The following INSC variants were observed in gnomAD, a reference collection of about 807,000 sequenced individuals.
The protein encoded by INSC is protein inscuteable homolog.
In INSC, 67 loss-of-function variants were observed where a neutral mutation model predicts 58.6. That is an observed-to-expected ratio of 1.14 (90% CI 0.94 to 1.40). INSC has a LOEUF of 1.40. Ranked by LOEUF, INSC falls within the 40% of genes most tolerant of loss-of-function variation. The pLI, the probability that INSC is intolerant of heterozygous loss-of-function variation, is 0.00. For missense variants in INSC, 714 were observed against 692.0 expected, an observed-to-expected ratio of 1.03 and a Z score of -0.36; for synonymous variants, 262 against 276.1, an observed-to-expected ratio of 0.95 and a Z score of 0.51.
intron 6 of INSC, among the ~76,000 whole-genome samples, chr11:15,191,966 C>T (rs538474617): frequency 1.3e-5 from 2 of 152,210 alleles, no homozygotes; most frequent in South Asian, 4.1e-4. Flanking sequence ...CTAAGCTTTC[C>T]TATTCCTCCC....
intron 7 of INSC, among the ~76,000 whole-genome samples, chr11:15,204,078 G>A (rs771918544): frequency 3.3e-5 from 5 of 152,156 alleles, no homozygotes; most frequent in Non-Finnish European, 5.9e-5. Flanking sequence ...TGCCGAGCCC[G>A]GTTCTAGCAG....
chr11:15,175,797 T>A lies in INSC; in HGVS notation c.113T>A (p.Met38Lys), dbSNP rs753415311. 1.2e-6 allele frequency: 2 copies of A among 1,603,032 alleles called. No individual in the cohort carries two copies. Among genetic ancestry groups the A allele is most frequent in the South Asian group, 2.2e-5 (2 of 90,338 alleles). ...VQRWMEDLKLMTECECMCVLQ... is the reference protein window; with the variant it reads ...VQRWMEDLKLKTECECMCVLQ... ...CGCTGGATGGAAGATCTGAAGCTCA[T>A]GACCGAGTGCGAGTGCATGTGTGTC... Residue 38 changes from methionine (M) to lysine (K), a missense_variant, in exon 3 of 13, where the codon ATG becomes AAG. By Grantham distance (95) the Met-to-Lys change is moderately conservative. Coordinates refer to ENST00000379556, the MANE Select transcript of INSC (RefSeq NM_001042536.3).
At chr11:15,190,978 AT>A (rs5789865) in intron 6 of INSC, among the ~76,000 whole-genome samples, 164 bp downstream of exon 6, 3,281 of 128,648 alleles carry the variant, frequency 0.026, 58 homozygotes, top group African/African-American at 0.07. Context: ...TGGTGTGTGC[AT>A]TTTTTTTTTT....
intron 2 of INSC, among the ~76,000 whole-genome samples, chr11:15,169,557 T>G (rs1252581132): frequency 1.2e-4 from 17 of 142,672 alleles, no homozygotes; most frequent in African/African-American, 3.4e-4. Context: ...TTGTTTGTTT[T>G]TTTAGATGGA....
At chr11:15,242,498 G>C (rs1852394345) in intron 12 of INSC, among the ~76,000 whole-genome samples, 1 of 152,036 alleles carries the variant, frequency 6.6e-6, no homozygotes, top group Non-Finnish European at 1.5e-5. Flanking sequence ...CCTTTCTGTG[G>C]TTCCTCATTA....
chr11:15,256,743 C>T, the INSC span, among the ~76,000 whole-genome samples: 1 of 152,102 alleles, frequency 6.6e-6, no homozygotes, highest in Non-Finnish European at 1.5e-5. Flanking sequence ...CCACTTCGGC[C>T]TCTCAAAGTG....
chr11:15,120,641 A>G (rs1171879181), intron 1 of INSC, among the ~76,000 whole-genome samples: 1 of 152,152 alleles, frequency 6.6e-6, no homozygotes, highest in Non-Finnish European at 1.5e-5. Context: ...AGTGTTGGGG[A>G]TGAGATGGAA....
intron 5 of INSC, among the ~76,000 whole-genome samples, chr11:15,180,704 T>TGGGGGGGGGGGGGGGGGGGGGGGG (rs1849748274): frequency 1.7e-5 from 1 of 57,180 alleles, no homozygotes; most frequent in Non-Finnish European, 3.4e-5. Flanking sequence ...CGGGGGGGGG[T>TGGGGGGGGGGGGGGGGGGGGGGGG]GGTGGCCACA....
At chr11:15,132,898 C>T (rs1054987265) in intron 1 of INSC, among the ~76,000 whole-genome samples, 1 of 152,126 alleles carries the variant, frequency 6.6e-6, no homozygotes. Context: ...AATCTAGTTT[C>T]CTTTTTCCTT....
At chr11:15,241,425 A>G (rs1798743610) in intron 12 of INSC, 3 of 529,076 alleles carry the variant, frequency 5.7e-6, no homozygotes, top group Non-Finnish European at 1.0e-5. Context: ...CCGTTGTAGA[A>G]ACAGTGGGGC....
chr11:15,128,428 G>A (rs549751266), intron 1 of INSC, among the ~76,000 whole-genome samples: 1 of 152,288 alleles, frequency 6.6e-6, no homozygotes, highest in South Asian at 2.1e-4. Context: ...TACAACAAAT[G>A]TGCCAGGTAA....
chr11:15,238,245 T>C (rs750908936), intron 10 of INSC, among the ~76,000 whole-genome samples: 2 of 152,174 alleles, frequency 1.3e-5, no homozygotes, highest in Non-Finnish European at 2.9e-5. Flanking sequence ...AGGAGGCTTC[T>C]CAGCAGAGAT....
chr11:15,151,566 T>A lies in INSC; in HGVS notation c.56+2336T>A, dbSNP rs556999944. Among the ~76,000 whole-genome samples, 335 of 152,106 alleles carry A rather than the reference T, an allele frequency of 2.2e-3. 3 individuals carry two copies. The highest frequency in any genetic ancestry group is 7.5e-3 in the African/African-American group (310 of 41,476). On this transcript the variant is annotated intron_variant, in intron 2 of 12. Coordinates refer to ENST00000379556, the MANE Select transcript of INSC (RefSeq NM_001042536.3). ...TGGCTGCTATGTCCCTGGCTGGTCT[T>A]CATTTGCTCCTCTGGCCTCCTATCT...
At chr11:15,126,369 C>A (rs1847995424) in intron 1 of INSC, among the ~76,000 whole-genome samples, 1 of 152,122 alleles carries the variant, frequency 6.6e-6, no homozygotes, top group South Asian at 2.1e-4. Flanking sequence ...CTGGGACAAA[C>A]CCTATAACTC....
intron 6 of INSC, among the ~76,000 whole-genome samples, chr11:15,200,314 T>C (rs180805791): frequency 2.4e-4 from 36 of 152,186 alleles, no homozygotes; most frequent in African/African-American, 8.4e-4. Context: ...AATGAAACAT[T>C]TTTTTTGCCT....
intron 1 of INSC, among the ~76,000 whole-genome samples, chr11:15,137,969 GAT>G (rs1337491698): frequency 1.3e-5 from 2 of 152,196 alleles, no homozygotes; most frequent in African/African-American, 4.8e-5. Context: ...TAAAGTGAAA[GAT>G]GTGTGACTCT....
chr11:15,206,382 C>A (rs1034096029), intron 7 of INSC, among the ~76,000 whole-genome samples: 2 of 152,134 alleles, frequency 1.3e-5, no homozygotes, highest in Non-Finnish European at 2.9e-5. Context: ...AGAGGGGACA[C>A]CACAGCAGGG....
At chr11:15,146,805 T>C (rs1217292451) in intron 1 of INSC, among the ~76,000 whole-genome samples, 1 of 152,208 alleles carries the variant, frequency 6.6e-6, no homozygotes, top group African/African-American at 2.4e-5. Context: ...CTCTTAGAAA[T>C]TCAGAACAAT....
chr11:15,232,187 C>G (rs552578894), intron 9 of INSC, among the ~76,000 whole-genome samples: 1 of 152,312 alleles, frequency 6.6e-6, no homozygotes, highest in Admixed American at 6.5e-5. Flanking sequence ...TTGACTTGCT[C>G]TGGGACAGGC....
Sources: gnomAD v4.1 joint callset for allele counts (sites outside exome capture counted in the v4.1 genomes callset) on GRCh38, gnomAD v4.1.1 for gene constraint, MANE v1.5 for transcripts, NCBI Gene and HGNC (gene_info 2026-07-23, HGNC 2026-07-21) for gene names.